CHRDL1: variants seen among roughly 807,000 people sequenced by gnomAD.
CHRDL1 encodes the protein chordin like 1.
In CHRDL1, 19 loss-of-function variants were observed where a neutral mutation model predicts 40.9. The observed-to-expected ratio is 0.46, with a 90% confidence interval of 0.32 to 0.68. The LOEUF is 0.68. CHRDL1 is among the 30% of genes least tolerant of loss of function. The pLI is 0.03. For missense variants in CHRDL1, 329 were observed against 352.1 expected (o/e 0.93, Z 0.53); for synonymous variants, 136 against 123.4 (o/e 1.10, Z -0.68).
At chrX:110,692,515 G>T (rs1239889394) in intron 8 of CHRDL1, among the ~76,000 whole-genome samples, 1 of 111,323 alleles carries the variant, frequency 9.0e-6, no homozygotes, top group Non-Finnish European at 1.9e-5. Context: ...GAAATTATGG[G>T]ATTTAGGATT....
intron 2 of CHRDL1, among the ~76,000 whole-genome samples, chrX:110,779,912 C>T (rs1345677085): frequency 1.8e-5 from 2 of 111,320 alleles, no homozygotes; most frequent in Admixed American, 9.5e-5. Context: ...GTTGAATTTA[C>T]ACCTGTTTCA....
chrX:110,694,965 G>C (rs1193123924), intron 7 of CHRDL1, among the ~76,000 whole-genome samples: 3 of 111,568 alleles, frequency 2.7e-5, no homozygotes, highest in Non-Finnish European at 5.6e-5. Flanking sequence ...TTAAATGACA[G>C]GCTAAGGGGT....
Position 110,738,614 on chromosome X carries a change from C to T in CHRDL1, c.302-17084G>A, listed in dbSNP as rs898634189. Among the ~76,000 whole-genome samples the T allele has an allele frequency of 9.2e-5, 10 of 109,242 alleles. No individual in the cohort carries two copies. In the Admixed American group the frequency reaches 9.8e-4, roughly 11 times the overall value. 94.9% of individuals were successfully genotyped at this position (109,242 alleles called of 115,157 possible). ...AAAATTAGCTCGGCGTGGTGGCGGG[C>T]GCCTGTAGTCCCAGCTACGTGGGAG... is the stretch of plus-strand genomic sequence containing the variant. On this transcript the variant is annotated intron_variant, in intron 4 of 11. Transcript: ENST00000372042.
chrX:110,695,718 C>A (rs1603144594), intron 7 of CHRDL1, among the ~76,000 whole-genome samples: 1 of 111,628 alleles, frequency 9.0e-6, no homozygotes, highest in East Asian at 2.8e-4. Flanking sequence ...CCATAAAACA[C>A]TGTTTAAAGT....
At chrX:110,743,146 G>A (rs2071390422) in intron 4 of CHRDL1, among the ~76,000 whole-genome samples, 1 of 112,943 alleles carries the variant, frequency 8.9e-6, no homozygotes, top group Non-Finnish European at 1.9e-5. Context: ...ACATTGGAAA[G>A]TGCAGATATA....
At chrX:110,677,182 G>A (rs911455393) in intron 11 of CHRDL1, among the ~76,000 whole-genome samples, 1 of 111,389 alleles carries the variant, frequency 9.0e-6, no homozygotes, top group African/African-American at 3.3e-5. Flanking sequence ...TTAGCCACAA[G>A]AGAATAATGA....
intron 4 of CHRDL1, among the ~76,000 whole-genome samples, chrX:110,722,456 C>T (rs1407114926): frequency 9.1e-6 from 1 of 110,122 alleles, no homozygotes; most frequent in Non-Finnish European, 1.9e-5. Context: ...GCCGCCTTTC[C>T]TCCACGAAGC....
chrX:110,789,807 T>C (rs1443051986), intron 2 of CHRDL1, among the ~76,000 whole-genome samples: 1 of 112,054 alleles, frequency 8.9e-6, no homozygotes, highest in Admixed American at 9.4e-5. Flanking sequence ...TAGGGACACA[T>C]GTTCCATATG....
chrX:110,689,741 ATATATC>A (rs2070179287), intron 8 of CHRDL1, among the ~76,000 whole-genome samples: 1 of 57,608 alleles, frequency 1.7e-5, no homozygotes, highest in Non-Finnish European at 2.7e-5. Context: ...ATATATCTAT[ATATATC>A]TATATATCTA....
intron 2 of CHRDL1, among the ~76,000 whole-genome samples, chrX:110,775,599 T>A (rs1156260896): frequency 2.7e-5 from 3 of 111,915 alleles, no homozygotes; most frequent in Non-Finnish European, 5.7e-5. Context: ...AAATATTTTT[T>A]AAAATAAAGT....
At chrX:110,777,232 T>C (rs764546040) in intron 2 of CHRDL1, among the ~76,000 whole-genome samples, 1 of 111,811 alleles carries the variant, frequency 8.9e-6, no homozygotes, top group East Asian at 2.8e-4. Context: ...CCGAAGTTTA[T>C]TCATCCATTC....
intron 7 of CHRDL1, among the ~76,000 whole-genome samples, chrX:110,699,445 G>C (rs938114949): frequency 8.9e-6 from 1 of 111,753 alleles, no homozygotes; most frequent in Admixed American, 9.6e-5. Context: ...TCCTTGCTGA[G>C]ATTTTTCTAG....
At chrX:110,716,356 T>C (rs2070841704) in intron 6 of CHRDL1, among the ~76,000 whole-genome samples, 1 of 110,110 alleles carries the variant, frequency 9.1e-6, no homozygotes, top group African/African-American at 3.3e-5. Flanking sequence ...TGTGCATTCA[T>C]TTAAAGAGCA....
At chrX:110,766,084 G>C (rs1219058181) in intron 2 of CHRDL1, among the ~76,000 whole-genome samples, 1 of 111,645 alleles carries the variant, frequency 9.0e-6, no homozygotes, top group Non-Finnish European at 1.9e-5. Context: ...TAAATAACCT[G>C]CTCCCGAATG....
At chrX:110,743,171 T>C (rs1452564397) in intron 4 of CHRDL1, among the ~76,000 whole-genome samples, 3 of 112,908 alleles carry the variant, frequency 2.7e-5, no homozygotes, top group African/African-American at 6.4e-5. Flanking sequence ...GTTTCCATCA[T>C]TGCAAAAAGT....
intron 4 of CHRDL1, among the ~76,000 whole-genome samples, chrX:110,724,839 AACACAGCATGCTTCCTAAC>A (rs2071026829): frequency 9.0e-6 from 1 of 111,504 alleles, no homozygotes; most frequent in Non-Finnish European, 1.9e-5. Flanking sequence ...TTAGAGGGCC[AACACAGCATGCTTCCTAAC>A]TGCAGAAGGA....
chrX:110,734,673 C>T (rs2071231901), intron 4 of CHRDL1, among the ~76,000 whole-genome samples: 1 of 111,998 alleles, frequency 8.9e-6, no homozygotes, highest in South Asian at 3.7e-4. Flanking sequence ...TAGAGAAGCC[C>T]ACTAAAATCC....
At chrX:110,711,230 C>T (rs755966202) in intron 6 of CHRDL1, among the ~76,000 whole-genome samples, 3 of 111,480 alleles carry the variant, frequency 2.7e-5, no homozygotes, top group Admixed American at 9.5e-5. Flanking sequence ...ATATAGAGGG[C>T]GGACTGTATT....
At chrX:110,775,520 T>C (rs1412157433) in intron 2 of CHRDL1, among the ~76,000 whole-genome samples, 3 of 111,322 alleles carry the variant, frequency 2.7e-5, no homozygotes, top group African/African-American at 9.8e-5. Flanking sequence ...TTCAGTACAG[T>C]TACAATTTTT....
Sources: allele counts gnomAD v4.1 joint callset (sites outside exome capture counted in the v4.1 genomes callset), GRCh38; gene constraint gnomAD v4.1.1; transcripts MANE v1.5; gene names NCBI Gene and HGNC (gene_info 2026-07-23, HGNC 2026-07-21).